NRG3: variants seen among roughly 807,000 people sequenced by gnomAD.
NRG3 encodes the protein neuregulin 3.
A neutral mutation model predicts 66.9 loss-of-function variants in NRG3; 31 were observed. That is an observed-to-expected ratio of 0.46 (90% CI 0.35 to 0.63). The LOEUF is 0.63. NRG3 is among the 20% of genes least tolerant of loss of function. The pLI, the probability that NRG3 is intolerant of heterozygous loss-of-function variation, is 0.00. For synonymous variants in NRG3, 393 were observed against 359.4 expected (o/e 1.09, Z -1.06); for missense variants, 910 against 878.9 (o/e 1.04, Z -0.45).
chr10:82,513,348 A>G (rs1033583958), intron 2 of NRG3, among the ~76,000 whole-genome samples: 12 of 152,064 alleles, frequency 7.9e-5, no homozygotes, highest in African/African-American at 2.7e-4. Context: ...TCTTTATCCA[A>G]TCTATCATTG....
intron 1 of NRG3, among the ~76,000 whole-genome samples, chr10:82,322,518 G>T (rs375527213): frequency 1.3e-5 from 2 of 151,810 alleles, no homozygotes; most frequent in African/African-American, 2.4e-5. Flanking sequence ...TTTATTAAAA[G>T]GATTATGTTC....
At chr10:82,389,928 G>T (rs1038281506) in intron 2 of NRG3, among the ~76,000 whole-genome samples, 1 of 152,138 alleles carries the variant, frequency 6.6e-6, no homozygotes, top group East Asian at 1.9e-4. Flanking sequence ...GCCTATTAGA[G>T]CGGCTACTTG....
At chr10:81,954,283 T>G (rs1849624111) in intron 1 of NRG3, among the ~76,000 whole-genome samples, 1 of 152,126 alleles carries the variant, frequency 6.6e-6, no homozygotes, top group Admixed American at 6.6e-5. Flanking sequence ...CCTTTTTGTT[T>G]ATCACTTTGA....
At chr10:82,458,609 G>C (rs188442307) in intron 2 of NRG3, among the ~76,000 whole-genome samples, 119 of 152,298 alleles carry the variant, frequency 7.8e-4, no homozygotes, top group Admixed American at 9.8e-4. Context: ...ACCTCGCTCT[G>C]TCTCTCAAGA....
chr10:82,463,961 T>C lies in NRG3; in HGVS notation c.953+105093T>C, dbSNP rs554709102. Among the ~76,000 whole-genome samples, 154 of 152,348 alleles carry C rather than the reference T, an allele frequency of 1.0e-3. 1 individual carries two copies. The highest frequency in any genetic ancestry group is 3.4e-3 in the African/African-American group (141 of 41,576). On this transcript the variant is annotated intron_variant, in intron 2 of 8. Coordinates refer to ENST00000372141, the MANE Select transcript of NRG3 (RefSeq NM_001010848.4). ...TTGCCCTGCCAATTAAAAAGCACTTTATTGAATAAAGTAATGATGCTCTTT... is the reference window on the plus strand; with the variant it reads ...TTGCCCTGCCAATTAAAAAGCACTTCATTGAATAAAGTAATGATGCTCTTT...
At chr10:82,027,693 A>T (rs1281473985) in intron 1 of NRG3, among the ~76,000 whole-genome samples, 2 of 152,122 alleles carry the variant, frequency 1.3e-5, no homozygotes, top group Non-Finnish European at 2.9e-5. Context: ...CATCAGGTTG[A>T]ACCTGAGCTG....
intron 1 of NRG3, among the ~76,000 whole-genome samples, chr10:82,090,216 T>C (rs1328977457): frequency 1.3e-5 from 2 of 152,228 alleles, no homozygotes; most frequent in African/African-American, 4.8e-5. Flanking sequence ...ATATTTTTTA[T>C]TGAGAATACT....
At chr10:82,812,050 C>CA (rs2135510122) in intron 3 of NRG3, among the ~76,000 whole-genome samples, 1 of 152,320 alleles carries the variant, frequency 6.6e-6, no homozygotes, top group Admixed American at 6.5e-5. Context: ...CCTGATAGCT[C>CA]AGCTGAGTTA....
Position 82,614,881 on chromosome 10 carries a change from C to A in NRG3, c.954-123696C>A, listed in dbSNP as rs534903639. On this transcript the variant is annotated intron_variant, in intron 2 of 8. Transcript: ENST00000372141. ...TTTCTGCTAGTAGTTTAGGTGCATA[C>A]CTATAATATATATTTCCAAAAAAAA... Among the ~76,000 whole-genome samples the A allele has an allele frequency of 4.6e-5, 7 of 152,018 alleles. No individual in the cohort carries two copies. In the South Asian group the frequency reaches 1.5e-3, roughly 32 times the overall value.
chr10:82,695,407 A>C (rs1591203719), intron 2 of NRG3, among the ~76,000 whole-genome samples: 1 of 152,184 alleles, frequency 6.6e-6, no homozygotes, highest in East Asian at 1.9e-4. Flanking sequence ...AACAATAGTC[A>C]CGGAATCGTT....
chr10:81,941,207 G>A (rs1276281653), intron 1 of NRG3, among the ~76,000 whole-genome samples: 5 of 151,936 alleles, frequency 3.3e-5, no homozygotes, highest in South Asian at 2.1e-4. Context: ...TACTTGTGAC[G>A]ACCAGAGAAT....
At chr10:82,510,820 A>G (rs188292072) in intron 2 of NRG3, among the ~76,000 whole-genome samples, 2 of 152,294 alleles carry the variant, frequency 1.3e-5, no homozygotes, top group East Asian at 3.9e-4. Flanking sequence ...TCCCATTGAG[A>G]TCGGCTCCTT....
chr10:82,109,157 A>G (rs1411189988), intron 1 of NRG3, among the ~76,000 whole-genome samples: 1 of 152,176 alleles, frequency 6.6e-6, no homozygotes, highest in Non-Finnish European at 1.5e-5. Context: ...GATGTGGTCA[A>G]CTTATTTCCT....
chr10:82,853,111 T>G (rs2063642991), intron 3 of NRG3, among the ~76,000 whole-genome samples: 1 of 152,178 alleles, frequency 6.6e-6, no homozygotes, highest in African/African-American at 2.4e-5. Flanking sequence ...GAGCAATAAA[T>G]TATATAATTC....
chr10:82,680,775 T>C (rs1424361480), intron 2 of NRG3, among the ~76,000 whole-genome samples: 1 of 152,240 alleles, frequency 6.6e-6, no homozygotes, highest in South Asian at 2.1e-4. Flanking sequence ...ATAAATGCCC[T>C]AGTTTCACTA....
intron 2 of NRG3, among the ~76,000 whole-genome samples, chr10:82,360,317 T>C (rs887780048): frequency 6.6e-6 from 1 of 152,252 alleles, no homozygotes; most frequent in Non-Finnish European, 1.5e-5. Context: ...CAAAGCGTGA[T>C]GTGCATGCAA....
At chr10:82,077,903 G>C (rs2065177484) in intron 1 of NRG3, among the ~76,000 whole-genome samples, 1 of 152,152 alleles carries the variant, frequency 6.6e-6, no homozygotes, top group Non-Finnish European at 1.5e-5. Flanking sequence ...AGGCATAGCA[G>C]GTATACAGCT....
chr10:82,617,533 A>G (rs938504423), intron 2 of NRG3, among the ~76,000 whole-genome samples: 1 of 152,218 alleles, frequency 6.6e-6, no homozygotes, highest in Non-Finnish European at 1.5e-5. Flanking sequence ...TTGGGGGTGA[A>G]TAAAGTCCTG....
rs1339437018 is a variant in NRG3, at chr10:82,198,904, G to A, written c.824-159835G>A. On this transcript the variant is annotated intron_variant, in intron 1 of 8. Transcript: ENST00000372141. ...CCCAGCTACTCAAGAGGTTGAGGCA[G>A]GAGAATCGCTTGAACCCGGGAGGCG... 3.3e-5 allele frequency among the ~76,000 whole-genome samples: 5 copies of A among 151,950 alleles called. No individual in the cohort carries two copies. The South Asian group carries it at 6.2e-4, about 19-fold the overall frequency.
Sources: allele counts gnomAD v4.1 joint callset (sites outside exome capture counted in the v4.1 genomes callset), GRCh38; gene constraint gnomAD v4.1.1; transcripts MANE v1.5; gene names NCBI Gene and HGNC (gene_info 2026-07-23, HGNC 2026-07-21).